Variants in CIBAR1 observed in about 807,000 individuals in gnomAD.
CIBAR1 encodes the protein CBY1 interacting BAR domain containing 1.
Under a neutral mutation model 44.0 loss-of-function variants are expected in CIBAR1, and 25 were observed. The ratio of observed to expected loss-of-function variants is 0.57; its 90% confidence interval spans 0.41 to 0.79. The LOEUF (loss-of-function observed/expected upper bound fraction) is 0.79. CIBAR1 is among the 30% of genes least tolerant of loss of function. CIBAR1 has a pLI of 0.00. For synonymous variants in CIBAR1, 115 were observed against 119.0 expected, an observed-to-expected ratio of 0.97 and a Z score of 0.22; for missense variants, 278 against 344.8, an observed-to-expected ratio of 0.81 and a Z score of 1.53.
chr8:93,723,416 A>G (rs1237026352), intron 7 of CIBAR1, among the ~76,000 whole-genome samples: 1 of 152,104 alleles, frequency 6.6e-6, no homozygotes, highest in Non-Finnish European at 1.5e-5. Context: ...TTTAAAACAC[A>G]AGTCTCACCT....
intron 6 of CIBAR1, chr8:93,715,807 G>T (rs961803344): frequency 6.6e-6 from 1 of 152,088 alleles, no homozygotes; most frequent in Non-Finnish European, 1.5e-5. Context: ...GTCCTCATTG[G>T]TGAATGTCTA....
chr8:93,701,042 C>T, intron 1 of CIBAR1, 182 bp from the exon 2 acceptor site: 1 of 1,448,748 alleles, frequency 6.9e-7, no homozygotes, highest in Middle Eastern at 2.3e-4. Context: ...TGTGCCTACA[C>T]AGTCCGGATA....
intron 7 of CIBAR1, among the ~76,000 whole-genome samples, chr8:93,722,633 A>C (rs1811310668): frequency 6.6e-6 from 1 of 152,050 alleles, no homozygotes; most frequent in Non-Finnish European, 1.5e-5. Flanking sequence ...TGGGAGGCAG[A>C]GGTTGCAGTG....
chr8:93,714,488 G>A (rs577532974), intron 6 of CIBAR1, among the ~76,000 whole-genome samples: 2 of 152,164 alleles, frequency 1.3e-5, no homozygotes, highest in South Asian at 4.2e-4. Flanking sequence ...AGTCTGTTAG[G>A]GTTCTGAATC....
chr8:93,710,836 CAAA>C (rs35465241), intron 6 of CIBAR1, among the ~76,000 whole-genome samples: 7 of 120,550 alleles, frequency 5.8e-5, no homozygotes, highest in Non-Finnish European at 6.7e-5. Context: ...GACTCTGACT[CAAA>C]AAAAAAAAAA....
intron 6 of CIBAR1, among the ~76,000 whole-genome samples, chr8:93,716,592 G>A (rs1211861197): frequency 6.6e-6 from 1 of 152,012 alleles, no homozygotes; most frequent in Non-Finnish European, 1.5e-5. Context: ...TAAAGAGAAA[G>A]TATGTTGCAA....
intron 7 of CIBAR1, chr8:93,724,514 G>A: frequency 1.3e-6 from 1 of 771,206 alleles, no homozygotes; most frequent in Non-Finnish European, 1.9e-6. Context: ...TTGTAGAGAT[G>A]GAGTTTCGCC....
chr8:93,714,946 G>C (rs1810983003), intron 6 of CIBAR1, among the ~76,000 whole-genome samples: 1 of 152,164 alleles, frequency 6.6e-6, no homozygotes, highest in Non-Finnish European at 1.5e-5. Flanking sequence ...CTGTTATCAG[G>C]CTACTGCTTC....
rs149124511 is a variant in CIBAR1, at chr8:93,728,367, C to T, written c.*70C>T. The T allele has an allele frequency of 8.9e-4, 909 of 1,024,130 alleles. 2 individuals carry two copies. The African/African-American group carries it at 0.014, about 16-fold the overall frequency. The allele number at this position is 1,024,130 out of a possible 1,614,324, so 63.4% of individuals were successfully genotyped here. A position where few individuals can be genotyped will look rare whatever the true frequency, so the allele number is the denominator to read the frequency against. ...TGACTAAATTGTAGAACTTTATACT[C>T]ACTTTGCTATGTTAAGCCTCAAAGT... On this transcript the variant is annotated 3_prime_UTR_variant, in exon 9 of 9. Coordinates refer to ENST00000518322, the MANE Select transcript of CIBAR1 (RefSeq NM_145269.5).
At chr8:93,709,746 C>T (rs141977697) in intron 5 of CIBAR1, 25 bp from the exon 6 acceptor site, 38,614 of 1,589,550 alleles carry the variant, frequency 0.024, 579 homozygotes, top group Non-Finnish European at 0.029. Context: ...TTTTTTATAT[C>T]CTTGGTTGGG....
intron 4 of CIBAR1, 57 bp from the exon 5 acceptor site, chr8:93,707,954 T>C: frequency 8.1e-7 from 1 of 1,238,740 alleles, no homozygotes; most frequent in Non-Finnish European, 1.1e-6. Context: ...ATAAATTTAT[T>C]GAAAAAGCTG....
At chr8:93,714,350 T>G (rs768104911) in intron 6 of CIBAR1, among the ~76,000 whole-genome samples, 14 of 152,180 alleles carry the variant, frequency 9.2e-5, no homozygotes, top group Non-Finnish European at 1.8e-4. Context: ...GTTCTAATAG[T>G]TTTTTAGTGG....
At position 93,727,575 on chromosome 8, in the gene CIBAR1, A is replaced by G. The variant is rs535530149; in HGVS notation, c.778-630A>G. Among the ~76,000 whole-genome samples the G allele has an allele frequency of 5.9e-5, 9 of 152,308 alleles. No homozygotes were observed. The South Asian group carries it at 1.9e-3, about 32-fold the overall frequency. ...ATACTGTCCTGTATATTGTGACGAC[A>G]TCAAGCAGATATTAGCATCCCCCGC... On this transcript the variant is annotated intron_variant, in intron 8 of 8. Coordinates refer to ENST00000518322, the MANE Select transcript of CIBAR1 (RefSeq NM_145269.5).
chr8:93,702,415 T>C (rs1810400397), intron 2 of CIBAR1: 1 of 401,258 alleles, frequency 2.5e-6, no homozygotes, highest in Non-Finnish European at 5.0e-6. Flanking sequence ...AGCCAATAAT[T>C]TCAATGCCCC....
intron 7 of CIBAR1, chr8:93,724,517 G>A (rs1387712360): frequency 1.2e-6 from 1 of 828,760 alleles, no homozygotes; most frequent in East Asian, 6.4e-5. Flanking sequence ...TAGAGATGGA[G>A]TTTCGCCATG....
chr8:93,718,830 G>A (rs1281385478), intron 7 of CIBAR1, 42 bp downstream of exon 7: 3 of 1,186,130 alleles, frequency 2.5e-6, no homozygotes, highest in Non-Finnish European at 3.5e-6. Flanking sequence ...CTGTTAATGT[G>A]GAAATATTTA....
chr8:93,713,194 G>A (rs994336336), intron 6 of CIBAR1, among the ~76,000 whole-genome samples: 1 of 151,346 alleles, frequency 6.6e-6, no homozygotes, highest in African/African-American at 2.4e-5. Flanking sequence ...CACCACACCC[G>A]GCTAATTTTT....
intron 7 of CIBAR1, chr8:93,719,747 A>G (rs539437773): frequency 6.6e-5 from 10 of 152,304 alleles, no homozygotes; most frequent in African/African-American, 2.2e-4. Context: ...CTGGTCCTCA[A>G]TGAGCAATTC....
intron 2 of CIBAR1, among the ~76,000 whole-genome samples, chr8:93,702,915 T>C (rs891744759): frequency 1.3e-4 from 20 of 152,208 alleles, no homozygotes; most frequent in Admixed American, 2.6e-4. Flanking sequence ...ATTTTTCTTA[T>C]GCTATATTTA....
Sources: gnomAD v4.1 joint callset for allele counts (sites outside exome capture counted in the v4.1 genomes callset) on GRCh38, gnomAD v4.1.1 for gene constraint, MANE v1.5 for transcripts, NCBI Gene and HGNC (gene_info 2026-07-23, HGNC 2026-07-21) for gene names.